The following ANKEF1 variants were observed in gnomAD, a reference collection of about 807,000 sequenced individuals.
ANKEF1 encodes ankyrin repeat and EF-hand domain-containing protein 1.
A neutral mutation model predicts 65.1 loss-of-function variants in ANKEF1; 43 were observed. The observed-to-expected ratio is 0.66, with a 90% CI of 0.52 to 0.85. The LOEUF (loss-of-function observed/expected upper bound fraction) is 0.85. Among genes scored for constraint, ANKEF1 ranks in the 40% least tolerant of loss-of-function variants. ANKEF1 has a pLI of 0.00. For missense variants in ANKEF1, 934 were observed against 952.9 expected, an observed-to-expected ratio of 0.98 and a Z score of 0.26; for synonymous variants, 316 against 341.5, an observed-to-expected ratio of 0.93 and a Z score of 0.82.
chr20:10,054,790 T>C (rs1985054305), intron 10 of ANKEF1, among the ~76,000 whole-genome samples, 191 bp downstream of exon 10: 1 of 152,216 alleles, frequency 6.6e-6, no homozygotes, highest in Non-Finnish European at 1.5e-5. Context: ...CGGCATCTAG[T>C]TCTCTTTCTA....
chr20:10,053,676 T>G (rs1984993134), intron 9 of ANKEF1, among the ~76,000 whole-genome samples: 1 of 152,192 alleles, frequency 6.6e-6, no homozygotes, highest in Admixed American at 6.5e-5. Context: ...CATTTTGGTC[T>G]CATTACCACC....
In ANKEF1 at chr20:10,049,650, A is replaced by T. The variant is rs751847455; in HGVS notation, c.1081A>T (p.Met361Leu). The T allele has an allele frequency of 6.2e-7, 1 of 1,614,076 alleles. No homozygotes were observed. The highest frequency in any genetic ancestry group is 1.7e-5 in the Admixed American group (1 of 60,006). Residue 361 changes from methionine (M) to leucine (L), a missense_variant, in exon 7 of 11, where the codon ATG becomes TTG. Coordinates refer to ENST00000378392, the MANE Select transcript of ANKEF1 (RefSeq NM_022096.6). The part of the protein sequence containing the change: ...DGSISKNDFV[M>L]VLEERQDYAS... ...AAGCATCAGCAAGAACGACTTCGTGATGGTGTTGGAGGAAAGGCAGGATTA... is the reference window on the plus strand; with the variant it reads ...AAGCATCAGCAAGAACGACTTCGTGTTGGTGTTGGAGGAAAGGCAGGATTA...
At chr20:10,037,975 A>C (rs1469899509) in intron 2 of ANKEF1, among the ~76,000 whole-genome samples, 1 of 152,222 alleles carries the variant, frequency 6.6e-6, no homozygotes, top group Non-Finnish European at 1.5e-5. Flanking sequence ...AGTTAACCTC[A>C]GCTTCTTCAT....
At chr20:10,043,884 A>T (rs979318614) in intron 4 of ANKEF1, among the ~76,000 whole-genome samples, 1 of 151,816 alleles carries the variant, frequency 6.6e-6, no homozygotes, top group African/African-American at 2.4e-5. Context: ...GCTGATTTCG[A>T]ATTCTTGGCC....
rs181546381 is a variant in ANKEF1 at position 10,045,802 on chromosome 20, T to A, written c.820+105T>A. 5.9e-6 allele frequency: 7 copies of A among 1,188,932 alleles called. No individual in the cohort carries two copies. In the Admixed American group the frequency reaches 8.6e-5, roughly 15 times the overall value. The allele number at this position is 1,188,932 out of a possible 1,614,324, so 73.6% of individuals were successfully genotyped here. The stretch of plus-strand genomic sequence containing the variant: ...CACTTGTCAGTGGCTTATTTTTTTC[T>A]ATAGCAAAACCTCACTCATATGTAG... On this transcript the variant is annotated intron_variant, in intron 6 of 10. Transcript: ENST00000378392.
At position 10,050,202 on chromosome 20, in the gene ANKEF1, C is replaced by T. The variant is rs1342857106; in HGVS notation, c.1633C>T (p.Leu545Phe). 1 of 1,605,182 alleles carries T rather than the reference C, an allele frequency of 6.2e-7. No homozygotes were observed. The change falls in exon 7 of 11, where the codon CTT becomes TTT. Residue 545 changes from leucine to phenylalanine, a missense_variant. Transcript: ENST00000378392. The part of the protein sequence containing the change: ...SGNIDVVKFL[L>F]EKGANVNATD... The stretch of plus-strand genomic sequence containing the variant: ...AAACATAGATGTGGTCAAGTTTCTT[C>T]TTGAAAAAGGGTACGCGTCTCCGTC...
chr20:10,056,538 A>AT lies in ANKEF1; in HGVS notation c.*878_*879insT, dbSNP rs1985180584. The AT allele has an allele frequency of 1.3e-5, 2 of 150,838 alleles. No homozygotes were observed. The highest frequency in any genetic ancestry group is 2.4e-5 in the African/African-American group (1 of 40,842). The allele number at this position is 150,838 out of a possible 1,614,324, so 9.3% of individuals were successfully genotyped here. A position where few individuals can be genotyped will look rare whatever the true frequency, so the allele number is the denominator to read the frequency against. ...GATAGATAGATAGATAGATAGATAG[A>AT]GATTTATTGCAAATAATTGGTTTAC... is the stretch of plus-strand genomic sequence containing the variant. On this transcript the variant is annotated 3_prime_UTR_variant, in exon 11 of 11. Transcript: ENST00000378392.
intron 10 of ANKEF1, 49 bp downstream of exon 10, chr20:10,054,648 C>A: frequency 6.4e-7 from 1 of 1,551,732 alleles, no homozygotes; most frequent in South Asian, 1.2e-5. Context: ...CTCATAATGT[C>A]ATTTTTTCAA....
chr20:10,037,899 TCTA>T (rs1198141263), intron 2 of ANKEF1, among the ~76,000 whole-genome samples: 1 of 152,226 alleles, frequency 6.6e-6, no homozygotes, highest in Non-Finnish European at 1.5e-5. Flanking sequence ...GCATGATCTC[TCTA>T]TTTTGCTGGT....
chr20:10,049,262 T>TA, intron 6 of ANKEF1, 128 bp from the exon 7 acceptor site: 2 of 898,464 alleles, frequency 2.2e-6, no homozygotes, highest in East Asian at 4.9e-5. Flanking sequence ...CACATCTCTA[T>TA]ATACATATAA....
In ANKEF1 at chr20:10,055,990, A is replaced by G; in HGVS notation, c.*330A>G. ...TATTATTTTTTTAATTATCCTTTTT[A>G]TTTATTAAATAGAGACAGAGTCTCA... On this transcript the variant is annotated 3_prime_UTR_variant, in exon 11 of 11. Coordinates refer to ENST00000378392, the MANE Select transcript of ANKEF1 (RefSeq NM_022096.6). 1 of 190,810 alleles carries G rather than the reference A, an allele frequency of 5.2e-6. No individual in the cohort carries two copies. Among genetic ancestry groups the G allele is most frequent in the Non-Finnish European group, 1.1e-5 (1 of 90,076 alleles). 11.8% of individuals were successfully genotyped at this position (190,810 alleles called of 1,614,324 possible).
intron 6 of ANKEF1, among the ~76,000 whole-genome samples, chr20:10,048,862 A>G (rs1222759064): frequency 3.3e-5 from 5 of 152,228 alleles, no homozygotes; most frequent in African/African-American, 9.6e-5. Flanking sequence ...TGGCCATACC[A>G]CAAAACAGCA....
Position 10,050,223 on chromosome 20 carries a change from C to T in ANKEF1, c.1643+11C>T. On this transcript the variant is annotated intron_variant, in intron 7 of 10. Coordinates refer to ENST00000378392, the MANE Select transcript of ANKEF1 (RefSeq NM_022096.6). ...TCTTCTTGAAAAAGGGTACGCGTCT[C>T]CGTCGGGTGTGGCCTAAATTTTCAC... 1.3e-6 allele frequency: 2 copies of T among 1,580,058 alleles called. No homozygotes were observed. The highest frequency in any genetic ancestry group is 1.7e-6 in the Non-Finnish European group (2 of 1,163,162).
At position 10,054,726 on chromosome 20, in the gene ANKEF1, G is replaced by A. The variant is rs1985051134; in HGVS notation, c.2172+127G>A. ...TCTTTCATAGTTACTACTTGTGAAT[G>A]TTCTTTTGCCAGGTTCTGGTACTTT... On this transcript the variant is annotated intron_variant, in intron 10 of 10. Coordinates refer to ENST00000378392, the MANE Select transcript of ANKEF1 (RefSeq NM_022096.6). 6.0e-5 allele frequency: 59 copies of A among 991,456 alleles called. No homozygotes were observed. In the South Asian group the frequency reaches 9.9e-4, roughly 17 times the overall value. The allele number at this position is 991,456 out of a possible 1,614,324, so 61.4% of individuals were successfully genotyped here. A position where few individuals can be genotyped will look rare whatever the true frequency, so the allele number is the denominator to read the frequency against.
At position 10,049,770 on chromosome 20, in the gene ANKEF1, T is replaced by C; in HGVS notation, c.1201T>C (p.Tyr401His). The change falls in exon 7 of 11, where the codon TAT (tyrosine) becomes CAT (histidine). Residue 401 changes from tyrosine to histidine, a missense_variant. By Grantham distance (83) the Tyr-to-His change is moderately conservative. Transcript: ENST00000378392. ...TAATGAATTCTTTAAAGGAACCAGATATTTAAACAAGTCTTTTGTCTTAGG... is the reference window on the plus strand; with the variant it reads ...TAATGAATTCTTTAAAGGAACCAGACATTTAAACAAGTCTTTTGTCTTAGG... ...NINEFFKGTR[Y>H]LNKSFVLGSY... 6.2e-7 allele frequency: 1 copy of C among 1,614,018 alleles called. No individual in the cohort carries two copies.
At chr20:10,051,113 A>T (rs1984835049) in intron 7 of ANKEF1, among the ~76,000 whole-genome samples, 1 of 152,170 alleles carries the variant, frequency 6.6e-6, no homozygotes, top group African/African-American at 2.4e-5. Flanking sequence ...TGAAGATTAG[A>T]TGAGTTAAAA....
At position 10,056,171 on chromosome 20, in the gene ANKEF1, G is replaced by GA. The variant is rs200211099; in HGVS notation, c.*516dup. On this transcript the variant is annotated 3_prime_UTR_variant, in exon 11 of 11. Transcript: ENST00000378392. ...AATTGATGAAACAATTTAGGTTTTG[G>GA]AAAAAGAAGTAATATTTAATCTTTT... is the stretch of plus-strand genomic sequence containing the variant. 1 of 153,616 alleles carries GA rather than the reference G, an allele frequency of 6.5e-6. No individual in the cohort carries two copies. The allele number at this position is 153,616 out of a possible 1,614,324, so 9.5% of individuals were successfully genotyped here.
At chr20:10,048,063 T>C (rs1984619893) in intron 6 of ANKEF1, among the ~76,000 whole-genome samples, 1 of 152,070 alleles carries the variant, frequency 6.6e-6, no homozygotes, top group Non-Finnish European at 1.5e-5. Context: ...TCAGAATTAG[T>C]ATGGAATTGC....
rs1237744722 is a variant in ANKEF1, at chr20:10,050,060, T to C, written c.1491T>C (p.Asn497=). 1.9e-6 allele frequency: 3 copies of C among 1,614,146 alleles called. No individual in the cohort carries two copies. Among genetic ancestry groups the C allele is most frequent in the Non-Finnish European group, 2.5e-6 (3 of 1,180,020 alleles). ...DDSEKVFSNI[N]IITKAGDLAS... The stretch of plus-strand genomic sequence containing the variant: ...CAGAGAAGGTATTTTCAAACATTAA[T>C]ATTATCACCAAAGCAGGGGATCTGG... The change falls in exon 7 of 11, where the codon AAT becomes AAC. Residue 497 remains asparagine, a synonymous_variant. Coordinates refer to ENST00000378392, the MANE Select transcript of ANKEF1 (RefSeq NM_022096.6).
Sources: gnomAD v4.1 joint callset for allele counts (sites outside exome capture counted in the v4.1 genomes callset) on GRCh38, gnomAD v4.1.1 for gene constraint, MANE v1.5 for transcripts, NCBI Gene and HGNC (gene_info 2026-07-23, HGNC 2026-07-21) for gene names.